FRMD3: variants seen among roughly 807,000 people sequenced by gnomAD.
FRMD3 encodes the protein FERM domain containing 3, also known as FERM domain-containing protein 3.
A neutral mutation model predicts 70.2 loss-of-function variants in FRMD3; 33 were observed. The observed-to-expected ratio is 0.47, with a 90% CI of 0.36 to 0.63. The LOEUF (loss-of-function observed/expected upper bound fraction) is 0.63, where lower values mean the gene tolerates loss of function less well. Among genes scored for constraint, FRMD3 ranks in the 20% least tolerant of loss-of-function variants. The pLI is 0.00. For synonymous variants in FRMD3, 279 were observed against 255.9 expected (o/e 1.09, Z -0.86); for missense variants, 632 against 711.4 (o/e 0.89, Z 1.27).
chr9:83,372,074 C>A (rs1440106144), intron 3 of FRMD3, among the ~76,000 whole-genome samples: 1 of 152,154 alleles, frequency 6.6e-6, no homozygotes, highest in Non-Finnish European at 1.5e-5. Flanking sequence ...TGACGAGAAA[C>A]TGATTCATCA....
At chr9:83,542,971 C>T (rs1170707936), upstream of FRMD3, among the ~76,000 whole-genome samples, 1 of 152,068 alleles carries the variant, frequency 6.6e-6, no homozygotes, top group Non-Finnish European at 1.5e-5. Flanking sequence ...CATTGACTCA[C>T]ATGTAAACAA....
chr9:83,504,478 C>A (rs1564107923), intron 1 of FRMD3, among the ~76,000 whole-genome samples: 1 of 152,146 alleles, frequency 6.6e-6, no homozygotes, highest in Non-Finnish European at 1.5e-5. Context: ...CTCTTGGCTT[C>A]TTTCCCAGTC....
intron 1 of FRMD3, among the ~76,000 whole-genome samples, chr9:83,485,330 G>A (rs1162446430): frequency 1.3e-5 from 2 of 152,172 alleles, no homozygotes; most frequent in African/African-American, 4.8e-5. Flanking sequence ...AGAGTAATTC[G>A]TAAATAATTC....
At chr9:83,446,505 G>A (rs1001079887) in intron 1 of FRMD3, among the ~76,000 whole-genome samples, 2 of 152,096 alleles carry the variant, frequency 1.3e-5, no homozygotes, top group African/African-American at 2.4e-5. Flanking sequence ...AAATTAGCCG[G>A]GCGCGGTGGC....
intron 1 of FRMD3, among the ~76,000 whole-genome samples, chr9:83,397,359 T>C (rs1825836594): frequency 6.6e-6 from 1 of 152,156 alleles, no homozygotes; most frequent in African/African-American, 2.4e-5. Flanking sequence ...CAGAAAGCGA[T>C]CCTTGAAAGA....
intron 1 of FRMD3, among the ~76,000 whole-genome samples, chr9:83,391,356 C>T (rs910383342): frequency 9.2e-5 from 14 of 152,202 alleles, no homozygotes; most frequent in African/African-American, 3.4e-4. Flanking sequence ...TCCTTTTACA[C>T]ATATACTCTG....
intron 1 of FRMD3, among the ~76,000 whole-genome samples, chr9:83,523,153 A>AGGAT (rs144992070): frequency 0.14 from 21,310 of 149,628 alleles, 1,690 homozygotes; most frequent in African/African-American, 0.2. Flanking sequence ...GAATGGATGG[A>AGGAT]GGATGGATGG....
upstream of FRMD3, among the ~76,000 whole-genome samples, chr9:83,540,292 A>C (rs143712311): frequency 1.1e-4 from 16 of 152,306 alleles, no homozygotes. Context: ...AAGACCACAC[A>C]CACACTTGTC....
the FRMD3 span, among the ~76,000 whole-genome samples, chr9:83,560,877 C>A: frequency 2.8e-3 from 429 of 152,316 alleles, no homozygotes; most frequent in African/African-American, 0.01. Context: ...GATGATAGAA[C>A]AATGACTTTG....
intron 1 of FRMD3, among the ~76,000 whole-genome samples, chr9:83,422,847 T>C (rs74487472): frequency 0.031 from 4,723 of 152,124 alleles, 119 homozygotes; most frequent in East Asian, 0.12. Context: ...AATAAAGGAG[T>C]CTTAAAGTTA....
At chr9:83,548,839 A>C in the FRMD3 span, among the ~76,000 whole-genome samples, 1 of 151,976 alleles carries the variant, frequency 6.6e-6, no homozygotes, top group Admixed American at 6.6e-5. Context: ...CTATCTGGAA[A>C]CTCTTTGTAC....
intron 1 of FRMD3, among the ~76,000 whole-genome samples, chr9:83,430,529 T>C (rs1303210100): frequency 4.6e-5 from 7 of 152,166 alleles, no homozygotes; most frequent in Admixed American, 3.3e-4. Flanking sequence ...CATAAGTCTC[T>C]CCACATATTT....
At chr9:83,335,977 A>C (rs1336705256) in intron 5 of FRMD3, among the ~76,000 whole-genome samples, 1 of 152,186 alleles carries the variant, frequency 6.6e-6, no homozygotes, top group East Asian at 1.9e-4. Context: ...ACTGTAGGAC[A>C]TTTAGTAGCT....
the FRMD3 span, among the ~76,000 whole-genome samples, chr9:83,573,002 G>A: frequency 2.6e-5 from 4 of 151,914 alleles, no homozygotes; most frequent in African/African-American, 9.7e-5. Flanking sequence ...AATCAAAACT[G>A]GGTCTATCCT....
At chr9:83,580,703 C>T in the FRMD3 span, among the ~76,000 whole-genome samples, 2 of 152,022 alleles carry the variant, frequency 1.3e-5, no homozygotes, top group Non-Finnish European at 2.9e-5. Flanking sequence ...ATCTACTACA[C>T]AGAAGAGTGA....
At position 83,469,912 on chromosome 9, in the gene FRMD3, G is replaced by A. The variant is rs138471520; in HGVS notation, c.147+68173C>T. ...GGTCCACTAGTTCTCAAACTCTTAC[G>A]CACGTTTGAATTCCCTAGAGCTGTA... On this transcript the variant is annotated intron_variant, in intron 1 of 13. Coordinates refer to ENST00000304195, the MANE Select transcript of FRMD3 (RefSeq NM_174938.6). Among the ~76,000 whole-genome samples, 43 of 152,288 alleles carry A rather than the reference G, an allele frequency of 2.8e-4. No homozygotes were observed. The East Asian group carries it at 2.9e-3, about 10-fold the overall frequency.
intron 1 of FRMD3, among the ~76,000 whole-genome samples, chr9:83,475,276 T>C (rs1828368688): frequency 6.6e-6 from 1 of 151,918 alleles, no homozygotes; most frequent in African/African-American, 2.4e-5. Context: ...CTAGAATATA[T>C]ATAATACATA....
At chr9:83,563,880 G>A in the FRMD3 span, among the ~76,000 whole-genome samples, 1 of 152,160 alleles carries the variant, frequency 6.6e-6, no homozygotes, top group African/African-American at 2.4e-5. Context: ...ATAAGAATAT[G>A]TCTTTAGAAG....
chr9:83,426,961 A>C (rs1385341743), intron 1 of FRMD3, among the ~76,000 whole-genome samples: 1 of 152,220 alleles, frequency 6.6e-6, no homozygotes, highest in Non-Finnish European at 1.5e-5. Context: ...GAAACCAAAC[A>C]AACTTATTTC....
Sources: allele counts gnomAD v4.1 joint callset (sites outside exome capture counted in the v4.1 genomes callset), GRCh38; gene constraint gnomAD v4.1.1; transcripts MANE v1.5; gene names NCBI Gene and HGNC (gene_info 2026-07-23, HGNC 2026-07-21).